The following MCM3AP variants were observed in gnomAD, a reference collection of about 807,000 sequenced individuals.
The protein encoded by MCM3AP is germinal-center associated nuclear protein.
Under a neutral mutation model 184.1 loss-of-function variants are expected in MCM3AP, and 126 were observed. The observed-to-expected ratio is 0.68, with a 90% CI of 0.59 to 0.79. MCM3AP has a LOEUF of 0.79. Ranked by LOEUF, MCM3AP falls within the 30% of genes least tolerant of loss-of-function variation. MCM3AP has a pLI of 0.00. For synonymous variants in MCM3AP, 1,002 were observed against 979.3 expected, an observed-to-expected ratio of 1.02 and a Z score of -0.43; for missense variants, 2,496 against 2,479.2, an observed-to-expected ratio of 1.01 and a Z score of -0.14.
Position 46,238,599 on chromosome 21 carries a change from T to C in MCM3AP, c.5634-1620A>G, listed in dbSNP as rs1299420728. Among the ~76,000 whole-genome samples, 4 of 119,868 alleles carry C rather than the reference T, an allele frequency of 3.3e-5. 1 individual carries two copies. Among genetic ancestry groups the C allele is most frequent in the East Asian group, 2.2e-4 (1 of 4,532 alleles). The allele number at this position is 119,868 out of a possible 152,430, so 78.6% of individuals were successfully genotyped here. ...GATGGGTACCTGTAGTCCCAGCTACTTGGGAGGCTGGGGCAGGAGAACTGC... is the reference window on the plus strand; with the variant it reads ...GATGGGTACCTGTAGTCCCAGCTACCTGGGAGGCTGGGGCAGGAGAACTGC... On this transcript the variant is annotated intron_variant, in intron 26 of 27. Coordinates refer to ENST00000291688, the MANE Select transcript of MCM3AP (RefSeq NM_003906.5).
In MCM3AP at chr21:46,256,995, A is replaced by G. The variant is rs2080962647; in HGVS notation, c.3735-9T>C. ...TGACAGCTTCCCTCCACCTGGGGAC[A>G]TGAAAATGTATCATCACAGAGTGTT... On this transcript the variant is annotated splice_polypyrimidine_tract_variant and intron_variant, in intron 16 of 27. Coordinates refer to ENST00000291688, the MANE Select transcript of MCM3AP (RefSeq NM_003906.5). 1.9e-6 allele frequency: 3 copies of G among 1,607,274 alleles called. No individual in the cohort carries two copies. Among genetic ancestry groups the G allele is most frequent in the Middle Eastern group, 1.7e-4 (1 of 6,046 alleles).
At chr21:46,274,890 G>GAT (rs1362043311) in intron 6 of MCM3AP, among the ~76,000 whole-genome samples, 1 of 134,962 alleles carries the variant, frequency 7.4e-6, no homozygotes, top group East Asian at 2.3e-4. Context: ...AGTGAGCCAT[G>GAT]ATTGGACCAC....
Position 46,273,805 on chromosome 21 carries a change from T to C in MCM3AP, c.1999-220A>G, listed in dbSNP as rs543100477. On this transcript the variant is annotated intron_variant, in intron 6 of 27. Coordinates refer to ENST00000291688, the MANE Select transcript of MCM3AP (RefSeq NM_003906.5). The stretch of plus-strand genomic sequence containing the variant: ...GCAAATATGACAAGGAGTTAAGATA[T>C]GAGTGCGTCATGACAAACAGGAGGA... Among the ~76,000 whole-genome samples, 6 of 152,296 alleles carry C rather than the reference T, an allele frequency of 3.9e-5. No homozygotes were observed. In the East Asian group the frequency reaches 9.6e-4, roughly 24 times the overall value.
intron 22 of MCM3AP, among the ~76,000 whole-genome samples, chr21:46,245,738 GTCC>G (rs2080755851): frequency 6.6e-6 from 1 of 152,146 alleles, no homozygotes; most frequent in East Asian, 1.9e-4. Flanking sequence ...AGCTCAAGCA[GTCC>G]TCCTGCTTCA....
At chr21:46,283,215 A>G (rs1243826322) in intron 2 of MCM3AP, among the ~76,000 whole-genome samples, 2 of 152,178 alleles carry the variant, frequency 1.3e-5, no homozygotes, top group Admixed American at 6.5e-5. Flanking sequence ...GTAAGCCACC[A>G]CGCCCGGCCA....
chr21:46,235,226 G>A lies in MCM3AP; in HGVS notation c.*42C>T, dbSNP rs886512314. On this transcript the variant is annotated 3_prime_UTR_variant, in exon 28 of 28. Transcript: ENST00000291688. ...AATAACATTATTTTGAGTAAAAACA[G>A]AAACTCTTCGGGAGAGACCCCCTCC... 7 of 1,596,222 alleles carry A rather than the reference G, an allele frequency of 4.4e-6. No individual in the cohort carries two copies. Among genetic ancestry groups the A allele is most frequent in the African/African-American group, 1.3e-5 (1 of 74,312 alleles).
At chr21:46,267,286 G>A (rs563328463) in intron 9 of MCM3AP, 144 bp from the exon 10 acceptor site, 37 of 704,484 alleles carry the variant, frequency 5.3e-5, no homozygotes, top group Non-Finnish European at 7.8e-5. Flanking sequence ...TTGGCAACAC[G>A]GAACCCAAGC....
In MCM3AP at chr21:46,273,556, G is replaced by GTACTCTT. The variant is rs2081213679; in HGVS notation, c.2021_2027dup (p.Tyr676Ter). 6.2e-7 allele frequency: 1 copy of GTACTCTT among 1,613,736 alleles called. No homozygotes were observed. The highest frequency in any genetic ancestry group is 1.7e-5 in the Admixed American group (1 of 59,994). On this transcript the variant is annotated stop_gained and frameshift_variant, in exon 7 of 28. Coordinates refer to ENST00000291688, the MANE Select transcript of MCM3AP (RefSeq NM_003906.5). LOFTEE classifies it high-confidence loss of function. ...CCTCCTGATCCGCCGAGGACCGACTGTACTCTTTCACAGCTGCTGCGTGGT... is the reference window on the plus strand; with the variant it reads ...CCTCCTGATCCGCCGAGGACCGACTGTACTCTTTACTCTTTCACAGCTGCTGCGTGGT...
At chr21:46,283,516 T>C in intron 2 of MCM3AP, 99 bp downstream of exon 2, 3 of 722,330 alleles carry the variant, frequency 4.2e-6, no homozygotes, top group Middle Eastern at 2.4e-4. Context: ...TTCTCTATAT[T>C]ATAGTAAGCA....
At chr21:46,267,314 T>C in intron 9 of MCM3AP, 172 bp from the exon 10 acceptor site, 1 of 619,448 alleles carries the variant, frequency 1.6e-6, no homozygotes, top group Non-Finnish European at 2.8e-6. Flanking sequence ...TCATAGGCGG[T>C]CTGCTCAGGG....
intron 17 of MCM3AP, 74 bp from the exon 18 acceptor site, chr21:46,254,918 A>T: frequency 1.9e-6 from 2 of 1,075,632 alleles, no homozygotes; most frequent in Non-Finnish European, 2.9e-6. Flanking sequence ...CCCCTGGGGA[A>T]TACTCAGGAG....
At chr21:46,267,596 AAAAG>A (rs1249896779) in intron 9 of MCM3AP, 1 of 155,182 alleles carries the variant, frequency 6.4e-6, no homozygotes, top group Non-Finnish European at 1.4e-5. Context: ...TAAAAAAAAA[AAAAG>A]AAGACAGAGA....
At chr21:46,255,329 A>G (rs1300677605) in intron 17 of MCM3AP, among the ~76,000 whole-genome samples, 1 of 152,172 alleles carries the variant, frequency 6.6e-6, no homozygotes, top group Admixed American at 6.5e-5. Flanking sequence ...CAGTGAGGGC[A>G]GCGAGGGAGG....
At chr21:46,236,481 A>G (rs983552268) in intron 27 of MCM3AP, among the ~76,000 whole-genome samples, 12 of 152,228 alleles carry the variant, frequency 7.9e-5, no homozygotes, top group African/African-American at 2.9e-4. Flanking sequence ...AATTAATCCC[A>G]GAAGAGAGGT....
At chr21:46,246,540 C>G in intron 21 of MCM3AP, 88 bp downstream of exon 21, 1 of 1,557,234 alleles carries the variant, frequency 6.4e-7, no homozygotes, top group South Asian at 1.1e-5. Flanking sequence ...GATTCCTGAC[C>G]CCAACACTAC....
intron 20 of MCM3AP, chr21:46,250,267 G>C (rs2080847635): frequency 6.6e-6 from 1 of 152,272 alleles, no homozygotes; most frequent in Admixed American, 6.5e-5. Context: ...GTAATACAAA[G>C]TGCTAGTGTA....
At chr21:46,278,714 C>T (rs1386648022) in intron 4 of MCM3AP, among the ~76,000 whole-genome samples, 1 of 151,760 alleles carries the variant, frequency 6.6e-6, no homozygotes, top group African/African-American at 2.4e-5. Flanking sequence ...CGCTCTGTTG[C>T]CCAGTCTGGA....
At chr21:46,272,174 T>C (rs1359779160) in intron 8 of MCM3AP, among the ~76,000 whole-genome samples, 2 of 152,326 alleles carry the variant, frequency 1.3e-5, no homozygotes, top group Non-Finnish European at 2.9e-5. Context: ...TCCTCTCTTA[T>C]TCTGAGATCT....
At chr21:46,256,713 CA>C in intron 17 of MCM3AP, 75 bp downstream of exon 17, 2 of 1,486,494 alleles carry the variant, frequency 1.3e-6, no homozygotes, top group Middle Eastern at 4.9e-4. Flanking sequence ...TCCAAACACA[CA>C]CATTAATTCC....
Sources: allele counts gnomAD v4.1 joint callset (sites outside exome capture counted in the v4.1 genomes callset), GRCh38; gene constraint gnomAD v4.1.1; transcripts MANE v1.5; gene names NCBI Gene and HGNC (gene_info 2026-07-23, HGNC 2026-07-21).